DPP10: variants seen among roughly 807,000 people sequenced by gnomAD.
DPP10 encodes dipeptidyl peptidase like 10.
A neutral mutation model predicts 120.9 loss-of-function variants in DPP10; 33 were observed. That is an observed-to-expected ratio of 0.27 (90% CI 0.21 to 0.37). The LOEUF is 0.37. DPP10 is among the 10% of genes least tolerant of loss of function. The pLI is 1.00. For synonymous variants in DPP10, 337 were observed against 326.1 expected (o/e 1.03, Z -0.36); for missense variants, 816 against 942.8 (o/e 0.87, Z 1.76).
At chr2:115,245,719 A>G (rs2058503470) in intron 1 of DPP10, among the ~76,000 whole-genome samples, 1 of 152,116 alleles carries the variant, frequency 6.6e-6, no homozygotes, top group African/African-American at 2.4e-5. Flanking sequence ...TACTTTGCAG[A>G]CTTGTAAGAA....
intron 1 of DPP10, among the ~76,000 whole-genome samples, chr2:114,509,377 A>G (rs1242426684): frequency 6.6e-6 from 1 of 152,226 alleles, no homozygotes; most frequent in African/African-American, 2.4e-5. Context: ...TCGGATCACC[A>G]AAACAACCCT....
In DPP10 at chr2:114,536,408, C is replaced by CTTTT. The variant is rs70937287; in HGVS notation, c.60+93582_60+93585dup. Among the ~76,000 whole-genome samples, 153 of 128,728 alleles carry CTTTT rather than the reference C, an allele frequency of 1.2e-3. 4 individuals carry two copies. Among genetic ancestry groups the CTTTT allele is most frequent in the South Asian group, 3.2e-3 (13 of 4,012 alleles). 84.5% of individuals were successfully genotyped at this position (128,728 alleles called of 152,430 possible). A position where few individuals can be genotyped will look rare whatever the true frequency, so the allele number is the denominator to read the frequency against. On this transcript the variant is annotated intron_variant, in intron 1 of 25. Transcript: ENST00000410059. ...TCCTTCTTTCTTTCTTTTTCTTTTT[C>CTTTT]TTTTTTTTTTTTTTTGAGACGTAGT...
intron 1 of DPP10, among the ~76,000 whole-genome samples, chr2:115,147,989 A>G (rs1559146824): frequency 6.6e-6 from 1 of 152,130 alleles, no homozygotes; most frequent in Non-Finnish European, 1.5e-5. Flanking sequence ...TAGGTGCTGT[A>G]TAAGAAAGGA....
chr2:115,805,456 A>G (rs1411132769), intron 19 of DPP10, among the ~76,000 whole-genome samples: 1 of 150,772 alleles, frequency 6.6e-6, no homozygotes, highest in Admixed American at 6.6e-5. Flanking sequence ...ACTGTCTGGC[A>G]CTCCCCAGTG....
intron 1 of DPP10, among the ~76,000 whole-genome samples, chr2:114,826,688 G>A (rs1235783532): frequency 6.6e-6 from 1 of 152,098 alleles, no homozygotes; most frequent in Non-Finnish European, 1.5e-5. Context: ...ATAACCCCAT[G>A]CCTGGCTAAT....
intron 7 of DPP10, among the ~76,000 whole-genome samples, chr2:115,701,003 T>C (rs2091862108): frequency 6.6e-6 from 1 of 152,160 alleles, no homozygotes; most frequent in Non-Finnish European, 1.5e-5. Flanking sequence ...CTTGTTATGA[T>C]GTCAATATGC....
At chr2:114,666,985 T>G (rs753299340) in intron 1 of DPP10, among the ~76,000 whole-genome samples, 18 of 152,216 alleles carry the variant, frequency 1.2e-4, no homozygotes, top group Admixed American at 7.9e-4. Flanking sequence ...AAGGGACAGA[T>G]AGTAATTTGT....
At chr2:114,940,301 T>G (rs1183911652) in intron 1 of DPP10, among the ~76,000 whole-genome samples, 1 of 152,128 alleles carries the variant, frequency 6.6e-6, no homozygotes, top group African/African-American at 2.4e-5. Flanking sequence ...CACACAACAC[T>G]TTGGATGGTC....
At chr2:114,551,513 C>T (rs1687885366) in intron 1 of DPP10, among the ~76,000 whole-genome samples, 2 of 152,200 alleles carry the variant, frequency 1.3e-5, no homozygotes, top group African/African-American at 2.4e-5. Flanking sequence ...TTGCTGCCTC[C>T]TAGTGTTGTG....
rs192969187 is a variant in DPP10, at chr2:115,305,397, C to A, written c.61-3842C>A. Among the ~76,000 whole-genome samples the A allele has an allele frequency of 3.7e-4, 56 of 152,052 alleles. 1 individual carries two copies. The East Asian group carries it at 0.01, about 28-fold the overall frequency. On this transcript the variant is annotated intron_variant, in intron 1 of 25. Coordinates refer to ENST00000410059, the MANE Select transcript of DPP10 (RefSeq NM_020868.6). Reference sequence around the variant, plus strand: ...AACTGGCTAATTACTTTCTAAGCACCTATTAAGAGAACAAGAGATTGTTAA... The same window carrying A: ...AACTGGCTAATTACTTTCTAAGCACATATTAAGAGAACAAGAGATTGTTAA...
intron 1 of DPP10, among the ~76,000 whole-genome samples, chr2:114,974,235 GTTTGCCTTT>G (rs1699597662): frequency 6.6e-6 from 1 of 151,978 alleles, no homozygotes; most frequent in African/African-American, 2.4e-5. Flanking sequence ...GTGCACCATT[GTTTGCCTTT>G]TACAGTACTT....
At chr2:115,106,453 T>C (rs142322596) in intron 1 of DPP10, among the ~76,000 whole-genome samples, 77 of 152,096 alleles carry the variant, frequency 5.1e-4, no homozygotes, top group African/African-American at 1.9e-3. Flanking sequence ...CTCTGTTTTT[T>C]TGTTTGTTTG....
chr2:115,401,659 T>C (rs1486329496), intron 3 of DPP10, among the ~76,000 whole-genome samples: 1 of 152,146 alleles, frequency 6.6e-6, no homozygotes, highest in Non-Finnish European at 1.5e-5. Flanking sequence ...ATAGTAATGG[T>C]AAAATACAAT....
At position 115,591,449 on chromosome 2, in the gene DPP10, A is replaced by G. The variant is rs577864007; in HGVS notation, c.441+65477A>G. On this transcript the variant is annotated intron_variant, in intron 5 of 25. Transcript: ENST00000410059. ...TTTCTTGTTTTTGTCAGGTTTTTCA[A>G]AGATCAGATGGTTGTAGATGTGTGG... Among the ~76,000 whole-genome samples the G allele has an allele frequency of 2.2e-4, 33 of 152,252 alleles. No individual in the cohort carries two copies. The South Asian group carries it at 6.4e-3, about 30-fold the overall frequency.
chr2:114,884,975 T>G (rs748725816), intron 1 of DPP10, among the ~76,000 whole-genome samples: 3 of 152,204 alleles, frequency 2.0e-5, no homozygotes, highest in Admixed American at 1.3e-4. Flanking sequence ...GACAAGCCTT[T>G]GTCAAACCAG....
intron 20 of DPP10, among the ~76,000 whole-genome samples, chr2:115,815,396 G>A (rs1161549192): frequency 6.6e-6 from 1 of 152,166 alleles, no homozygotes; most frequent in African/African-American, 2.4e-5. Context: ...ACAGAAACCA[G>A]ATATGATATT....
At chr2:114,796,375 C>T (rs557355756) in intron 1 of DPP10, among the ~76,000 whole-genome samples, 2 of 152,194 alleles carry the variant, frequency 1.3e-5, no homozygotes, top group East Asian at 3.9e-4. Flanking sequence ...CTTATGGTAT[C>T]AATAAATACA....
intron 2 of DPP10, among the ~76,000 whole-genome samples, chr2:115,333,422 C>A (rs147921718): frequency 0.027 from 4,099 of 152,186 alleles, 71 homozygotes; most frequent in South Asian, 0.059. Context: ...GGCCCATTTA[C>A]ATTTAAGGTT....
chr2:115,794,086 A>AT (rs1272642365), intron 19 of DPP10, among the ~76,000 whole-genome samples: 2 of 152,068 alleles, frequency 1.3e-5, no homozygotes, highest in Non-Finnish European at 2.9e-5. Context: ...AATAATTATT[A>AT]TTTTTTTCGC....
Sources: gnomAD v4.1 joint callset for allele counts (sites outside exome capture counted in the v4.1 genomes callset) on GRCh38, gnomAD v4.1.1 for gene constraint, MANE v1.5 for transcripts, NCBI Gene and HGNC (gene_info 2026-07-23, HGNC 2026-07-21) for gene names.